Variants in HMX1 observed in about 807,000 individuals in gnomAD.
HMX1 encodes H6 family homeobox 1.
In HMX1, 8 loss-of-function variants were observed where a neutral mutation model predicts 8.9. The observed-to-expected ratio is 0.90, with a 90% CI of 0.53 to 1.63. The LOEUF is 1.63. HMX1 is among the 40% of genes most tolerant of loss of function. HMX1 has a pLI of 0.00. For missense variants in HMX1, 621 were observed against 558.5 expected (o/e 1.11, Z -1.13); for synonymous variants, 311 against 283.4 (o/e 1.10, Z -0.98).
At position 8,849,905 on chromosome 4, in the gene HMX1, G is replaced by A. The variant is rs1721393435; in HGVS notation, c.395-3581C>T. On this transcript the variant is annotated intron_variant, in intron 1 of 1. Coordinates refer to the HMX1 transcript ENST00000506970. This position sits in a 1 kb window ranked among gnomAD's most constrained non-coding sequence, Gnocchi z 6.6. ...TTCTCTGCCCTTGCTTCCTGTCAGG[G>A]GGGCCCGATGGGAGGGACACAGGTG... Among the ~76,000 whole-genome samples, 1 of 152,208 alleles carries A rather than the reference G, an allele frequency of 6.6e-6. No individual in the cohort carries two copies. The highest frequency in any genetic ancestry group is 1.5e-5 in the Non-Finnish European group (1 of 68,034).
chr4:8,864,907 C>G (rs567620883), downstream of HMX1, among the ~76,000 whole-genome samples: 1 of 152,212 alleles, frequency 6.6e-6, no homozygotes, highest in Admixed American at 6.5e-5. Flanking sequence ...TTAATTCTAT[C>G]GAAAGACACA....
intron 1 of HMX1, among the ~76,000 whole-genome samples, chr4:8,852,132 T>C (rs945343595): frequency 6.6e-6 from 1 of 152,224 alleles, no homozygotes; most frequent in African/African-American, 2.4e-5. Flanking sequence ...GCGTGATGAG[T>C]ATTGACCCTG....
At chr4:8,866,960 G>T, downstream of HMX1, 3 of 584,836 alleles carry the variant, frequency 5.1e-6, no homozygotes, top group South Asian at 1.5e-4. Context: ...GGTGTCCCCA[G>T]TCAGCACTGA....
intron 1 of HMX1, among the ~76,000 whole-genome samples, chr4:8,856,473 G>C (rs1721611956): frequency 6.6e-6 from 1 of 152,132 alleles, no homozygotes; most frequent in African/African-American, 2.4e-5. Context: ...AGGAGGAGGA[G>C]AAGAGGCCGG....
chr4:8,870,428 C>G lies in HMX1; in HGVS notation c.394+793G>C, dbSNP rs1168794508. On this transcript the variant is annotated intron_variant, in intron 1 of 1. Coordinates refer to ENST00000400677, the MANE Select transcript of HMX1 (RefSeq NM_018942.3). This position sits in a 1 kb window ranked among gnomAD's most constrained non-coding sequence, Gnocchi z 4.4. Reference sequence around the variant, plus strand: ...GAGAACCCCCAGCCCCAGTCTCAAGCCCTCAGCAGGGAACAAAGGCAAGGA... The same window carrying G: ...GAGAACCCCCAGCCCCAGTCTCAAGGCCTCAGCAGGGAACAAAGGCAAGGA... 6.6e-6 allele frequency among the ~76,000 whole-genome samples: 1 copy of G among 151,974 alleles called. No individual in the cohort carries two copies. The highest frequency in any genetic ancestry group is 1.5e-5 in the Non-Finnish European group (1 of 67,974).
chr4:8,864,283 G>A (rs9886954), downstream of HMX1, among the ~76,000 whole-genome samples: 10,155 of 152,246 alleles, frequency 0.067, 1,117 homozygotes, highest in African/African-American at 0.23. Context: ...TGGGGAAGTC[G>A]GACTGGGTCC....
chr4:8,868,177 G>C lies in HMX1; in HGVS notation c.563C>G (p.Ala188Gly), dbSNP rs761151270. ...EASELAEVPA[A>G]AGETRGGVGV... ...AACGCCGCCGCGTGTCTCCCCAGCCGCCGCAGGGACCTCGGCCAGCTCCGA... is the reference window on the plus strand; with the variant it reads ...AACGCCGCCGCGTGTCTCCCCAGCCCCCGCAGGGACCTCGGCCAGCTCCGA... The change falls in exon 2 of 2, where the codon GCG becomes GGG. Residue 188 changes from alanine (A) to glycine (G), a missense_variant. Transcript: ENST00000400677. This position sits in a 1 kb window ranked among gnomAD's most constrained non-coding sequence, Gnocchi z 4.6. 4 of 1,496,960 alleles carry C rather than the reference G, an allele frequency of 2.7e-6. No homozygotes were observed. The highest frequency in any genetic ancestry group is 3.5e-6 in the Non-Finnish European group (4 of 1,128,952). The allele number at this position is 1,496,960 out of a possible 1,614,324, so 92.7% of individuals were successfully genotyped here. A position where few individuals can be genotyped will look rare whatever the true frequency, so the allele number is the denominator to read the frequency against.
chr4:8,860,121 G>A (rs1209055760), intron 1 of HMX1, among the ~76,000 whole-genome samples: 1 of 152,250 alleles, frequency 6.6e-6, no homozygotes, highest in Non-Finnish European at 1.5e-5. Flanking sequence ...GGTCAGCAGG[G>A]CCCTGGTGCC....
chr4:8,857,238 G>A (rs1721635629), intron 1 of HMX1, among the ~76,000 whole-genome samples: 1 of 152,218 alleles, frequency 6.6e-6, no homozygotes, highest in Admixed American at 6.5e-5. Context: ...GGGACAGATG[G>A]GGTTGGACGC....
At chr4:8,862,830 C>T (rs372184889), downstream of HMX1, among the ~76,000 whole-genome samples, 73 of 152,330 alleles carry the variant, frequency 4.8e-4, no homozygotes, top group African/African-American at 1.6e-3. Context: ...GAGGCTGGCT[C>T]TTCGACCACT....
In HMX1 at chr4:8,868,095, G is replaced by A; in HGVS notation, c.645C>T (p.Val215=). Residue 215 remains valine (V), a synonymous_variant, in exon 2 of 2, where the codon GTC becomes GTT. Coordinates refer to ENST00000400677, the MANE Select transcript of HMX1 (RefSeq NM_018942.3). This position sits in a 1 kb window ranked among gnomAD's most constrained non-coding sequence, Gnocchi z 4.6. ...KTRTVFSRSQ[V]FQLESTFDLK... ...GGTCGAAGGTGGATTCCAGCTGGAA[G>A]ACCTGGCTGCGGGAGAAGACTGTGC... is the stretch of plus-strand genomic sequence containing the variant. 6.6e-7 allele frequency: 1 copy of A among 1,518,808 alleles called. No individual in the cohort carries two copies. Among genetic ancestry groups the A allele is most frequent in the East Asian group, 2.6e-5 (1 of 38,344 alleles). 94.1% of individuals were successfully genotyped at this position (1,518,808 alleles called of 1,614,324 possible). A position where few individuals can be genotyped will look rare whatever the true frequency, so the allele number is the denominator to read the frequency against.
chr4:8,867,638 T>TTG lies in HMX1; in HGVS notation c.*54_*55insCA. On this transcript the variant is annotated 3_prime_UTR_variant, in exon 2 of 2. Transcript: ENST00000400677. Reference sequence around the variant, plus strand: ...CCTGAGCCCTGCGCCTGCCGCTGAATCGCGCGTCCACACAGGTCCACAGGG... The same window carrying TTG: ...CCTGAGCCCTGCGCCTGCCGCTGAATTGCGCGCGTCCACACAGGTCCACAGGG... The TTG allele has an allele frequency of 1.6e-5, 19 of 1,211,380 alleles. No individual in the cohort carries two copies. The highest frequency in any genetic ancestry group is 1.4e-4 in the African/African-American group (9 of 63,446). 75.0% of individuals were successfully genotyped at this position (1,211,380 alleles called of 1,614,324 possible).
Position 8,871,624 on chromosome 4 carries a change from G to A in HMX1, c.-10C>T. Reference sequence around the variant, plus strand: ...TCAGCTCGTCAGGCATCGCGGCCGCGGGCTTCTCGGGCTCGGCCGGGCTCC... The same window carrying A: ...TCAGCTCGTCAGGCATCGCGGCCGCAGGCTTCTCGGGCTCGGCCGGGCTCC... On this transcript the variant is annotated 5_prime_UTR_variant, in exon 1 of 2. Coordinates refer to ENST00000400677, the MANE Select transcript of HMX1 (RefSeq NM_018942.3). The surrounding 1 kb of genome is among the most constrained non-coding windows in gnomAD (Gnocchi z 4.8). 1.6e-6 allele frequency: 2 copies of A among 1,259,634 alleles called. No individual in the cohort carries two copies. Among genetic ancestry groups the A allele is most frequent in the Non-Finnish European group, 1.0e-6 (1 of 1,003,912 alleles). The allele number at this position is 1,259,634 out of a possible 1,614,324, so 78.0% of individuals were successfully genotyped here. A position where few individuals can be genotyped will look rare whatever the true frequency, so the allele number is the denominator to read the frequency against.
chr4:8,863,472 C>G (rs1721897425), downstream of HMX1, among the ~76,000 whole-genome samples: 1 of 152,252 alleles, frequency 6.6e-6, no homozygotes, highest in Admixed American at 6.5e-5. Flanking sequence ...AGCCAAGGAT[C>G]TGGGAAACCT....
At chr4:8,862,536 T>G (rs1404956510), downstream of HMX1, among the ~76,000 whole-genome samples, 1 of 152,226 alleles carries the variant, frequency 6.6e-6, no homozygotes, top group African/African-American at 2.4e-5. Flanking sequence ...TTTTGTTGCC[T>G]TATTATAAAG....
downstream of HMX1, among the ~76,000 whole-genome samples, chr4:8,866,306 C>T (rs1312962514): frequency 6.6e-6 from 1 of 152,254 alleles, no homozygotes; most frequent in Admixed American, 6.5e-5. Flanking sequence ...GGAGCGTCTA[C>T]ACCCAAGTGA....
chr4:8,862,056 G>A (rs1721845438), downstream of HMX1, among the ~76,000 whole-genome samples: 1 of 152,248 alleles, frequency 6.6e-6, no homozygotes, highest in African/African-American at 2.4e-5. Flanking sequence ...CCTCCCCAGC[G>A]GAGGCGACGC....
At chr4:8,865,694 G>A (rs906124725), downstream of HMX1, among the ~76,000 whole-genome samples, 7 of 151,934 alleles carry the variant, frequency 4.6e-5, no homozygotes, top group African/African-American at 1.7e-4. Flanking sequence ...TTGGGACTTT[G>A]CCTGAGTGGC....
Position 8,860,151 on chromosome 4 carries a change from G to C in HMX1, c.394+11070C>G, listed in dbSNP as rs796463363. The stretch of plus-strand genomic sequence containing the variant: ...GGTGCCTGGACACCCCCGGGTGCGC[G>C]CGGCGTGGCTGCCCTGGTGCCCCAG... On this transcript the variant is annotated intron_variant, in intron 1 of 1. Coordinates refer to the HMX1 transcript ENST00000506970. Among the ~76,000 whole-genome samples the C allele has an allele frequency of 7.9e-5, 12 of 152,386 alleles. No individual in the cohort carries two copies. The East Asian group carries it at 2.1e-3, about 27-fold the overall frequency.
Sources: allele counts gnomAD v4.1 joint callset (sites outside exome capture counted in the v4.1 genomes callset), GRCh38; gene constraint gnomAD v4.1.1; non-coding constraint Gnocchi (gnomAD v3.1); transcripts MANE v1.5; gene names NCBI Gene and HGNC (gene_info 2026-07-23, HGNC 2026-07-21).